The following SELENOS variants were observed in gnomAD, a reference collection of about 807,000 sequenced individuals.
SELENOS encodes the protein selenoprotein S.
Under a neutral mutation model 30.2 loss-of-function variants are expected in SELENOS, and 37 were observed. That is an observed-to-expected ratio of 1.23 (90% CI 0.94 to 1.61). The LOEUF (loss-of-function observed/expected upper bound fraction) is 1.61. Among genes scored for constraint, SELENOS ranks in the 40% most tolerant of loss-of-function variants. SELENOS has a pLI of 0.00. For missense variants in SELENOS, 289 were observed against 231.8 expected (o/e 1.25, Z -1.60); for synonymous variants, 119 against 91.6 (o/e 1.30, Z -1.71).
rs944782702 is a variant in SELENOS, at chr15:101,275,283, A to C, written c.290T>G (p.Val97Gly). The C allele has an allele frequency of 4.5e-6, 7 of 1,570,614 alleles. No homozygotes were observed. The highest frequency in any genetic ancestry group is 4.0e-5 in the African/African-American group (3 of 74,082). Residue 97 changes from valine (V) to glycine (G), a missense_variant, in exon 3 of 6, where the codon GTT becomes GGT. By Grantham distance (109) the Val-to-Gly change is moderately radical. Coordinates refer to ENST00000526049, the MANE Select transcript of SELENOS (RefSeq NM_018445.6). ...TTTCAGTTTTTCCTTATGCTTTTCA[A>C]CTTGCGCATTTAGTTCTTCTTGCAT... ...LKMQEELNAQ[V>G]EKHKEKLKQL...
Position 101,274,427 on chromosome 15 carries a change from C to A in SELENOS, c.477G>T (p.Arg159=). 6.2e-7 allele frequency: 1 copy of A among 1,607,422 alleles called. No individual in the cohort carries two copies. The highest frequency in any genetic ancestry group is 8.5e-7 in the Non-Finnish European group (1 of 1,176,650). ...GACATCAGTGGTGCTTACCTCCTCC[C>A]CGCAAAGGCTTTCTGTCCGATTTCC... ...LKRKSDRKPL[R]GGGYNPLSGE... Residue 159 remains arginine (R), a synonymous_variant, in exon 5 of 6, where the codon CGG becomes CGT. Coordinates refer to ENST00000526049, the MANE Select transcript of SELENOS (RefSeq NM_018445.6).
rs932089455 is a variant in SELENOS, at chr15:101,274,882, G to C, written c.319-201C>G. 6.5e-6 allele frequency: 4 copies of C among 619,618 alleles called. No individual in the cohort carries two copies. In the African/African-American group the frequency reaches 7.4e-5, roughly 11 times the overall value. 38.4% of individuals were successfully genotyped at this position (619,618 alleles called of 1,614,324 possible). A position where few individuals can be genotyped will look rare whatever the true frequency, so the allele number is the denominator to read the frequency against. ...GCTTTGGTTTTTGTACACTATTAAA[G>C]AAAGCAAAATGTTTCATGAAAAAGA... On this transcript the variant is annotated intron_variant, in intron 3 of 5. Coordinates refer to ENST00000526049, the MANE Select transcript of SELENOS (RefSeq NM_018445.6).
At chr15:101,275,426 G>A (rs2039315014) in intron 2 of SELENOS, 65 bp from the exon 3 acceptor site, 2 of 1,298,998 alleles carry the variant, frequency 1.5e-6, no homozygotes, top group Admixed American at 3.2e-5. Flanking sequence ...ACTTTTGAGT[G>A]TCCATATTAT....
At chr15:101,275,657 C>G (rs1303725768) in intron 2 of SELENOS, among the ~76,000 whole-genome samples, 2 of 152,092 alleles carry the variant, frequency 1.3e-5, no homozygotes, top group Non-Finnish European at 2.9e-5. Flanking sequence ...GGATAGTGGC[C>G]ACACAGAGCA....
rs997205748 is a variant in SELENOS at position 101,277,246 on chromosome 15, G to C, written c.76+96C>G. On this transcript the variant is annotated intron_variant, in intron 1 of 5. Coordinates refer to ENST00000526049, the MANE Select transcript of SELENOS (RefSeq NM_018445.6). ...CGCCCGACCGTTCCCAGGCCTCCCA[G>C]GCTCCGGCGCCCGGTGCAGCGGCGG... The C allele has an allele frequency of 6.6e-6, 10 of 1,516,886 alleles. No individual in the cohort carries two copies. The Admixed American group carries it at 1.8e-4, about 27-fold the overall frequency. The allele number at this position is 1,516,886 out of a possible 1,614,324, so 94.0% of individuals were successfully genotyped here.
intron 5 of SELENOS, 121 bp from the exon 6 acceptor site, chr15:101,272,977 AGGG>A: frequency 1.2e-6 from 1 of 823,994 alleles, no homozygotes; most frequent in Non-Finnish European, 1.9e-6. Flanking sequence ...ACAGATCCTA[AGGG>A]ACATTTAAAA....
intron 5 of SELENOS, among the ~76,000 whole-genome samples, chr15:101,273,477 C>T (rs1395550906): frequency 6.6e-6 from 1 of 152,174 alleles, no homozygotes; most frequent in Non-Finnish European, 1.5e-5. Context: ...TAAAGCCAGG[C>T]TAGTCAAAAG....
chr15:101,273,612 C>T (rs940193159), intron 5 of SELENOS, among the ~76,000 whole-genome samples: 1 of 152,150 alleles, frequency 6.6e-6, no homozygotes, highest in Non-Finnish European at 1.5e-5. Flanking sequence ...AATAAGCTTC[C>T]GGCAGGACCA....
At chr15:101,271,286 C>G (rs1047434756), downstream of SELENOS, 2 of 152,210 alleles carry the variant, frequency 1.3e-5, no homozygotes, top group African/African-American at 2.4e-5. Flanking sequence ...ATATTTTAAT[C>G]CAAGTATACC....
chr15:101,271,782 C>T (rs1205611687), downstream of SELENOS: 1 of 152,220 alleles, frequency 6.6e-6, no homozygotes, highest in African/African-American at 2.4e-5. Context: ...CTACAGCATT[C>T]AGCCCAAATC....
At chr15:101,274,241 C>T in intron 5 of SELENOS, 179 bp downstream of exon 5, 1 of 696,770 alleles carries the variant, frequency 1.4e-6, no homozygotes, top group Non-Finnish European at 2.4e-6. Flanking sequence ...TACAATCCTT[C>T]TAAGTACTTA....
chr15:101,277,077 C>T (rs924655533), intron 1 of SELENOS: 15 of 668,910 alleles, frequency 2.2e-5, no homozygotes, highest in Non-Finnish European at 3.7e-5. Flanking sequence ...GCCGAGTGAC[C>T]CCAGTAACTA....
downstream of SELENOS, chr15:101,271,201 T>C (rs1031927859): frequency 6.6e-6 from 1 of 152,230 alleles, no homozygotes; most frequent in African/African-American, 2.4e-5. Flanking sequence ...AGAAAATATA[T>C]TCAAGGAAGA....
At chr15:101,276,721 G>A (rs552650914) in intron 1 of SELENOS, 46 bp from the exon 2 acceptor site, 2 of 1,586,480 alleles carry the variant, frequency 1.3e-6, no homozygotes, top group East Asian at 2.2e-5. Context: ...GACACTACTA[G>A]TTGACCTTTC....
intron 1 of SELENOS, 27 bp downstream of exon 1, chr15:101,277,315 G>C (rs1253635821): frequency 1.3e-6 from 2 of 1,503,774 alleles, no homozygotes; most frequent in Admixed American, 4.3e-5. Flanking sequence ...GTGGCGGCGC[G>C]CGCCCGGCTG....
chr15:101,275,115 G>C, intron 3 of SELENOS, 140 bp downstream of exon 3: 1 of 667,628 alleles, frequency 1.5e-6, no homozygotes, highest in South Asian at 2.2e-5. Flanking sequence ...TACTTACATG[G>C]TAGGAACTGA....
rs1567119439 is a variant in SELENOS at position 101,275,274 on chromosome 15, T to G, written c.299A>C (p.His100Pro). ...QEELNAQVEK[H>P]KEKLKQLEEE... is the part of the protein sequence containing the mutation. ...TCATACTTGTTTCAGTTTTTCCTTA[T>G]GCTTTTCAACTTGCGCATTTAGTTC... Residue 100 changes from histidine to proline, a missense_variant, in exon 3 of 6, where the codon CAT (histidine) becomes CCT (proline). Coordinates refer to ENST00000526049, the MANE Select transcript of SELENOS (RefSeq NM_018445.6). The G allele has an allele frequency of 6.4e-7, 1 of 1,563,690 alleles. No homozygotes were observed. Among genetic ancestry groups the G allele is most frequent in the Middle Eastern group, 1.7e-4 (1 of 5,974 alleles).
In SELENOS at chr15:101,277,463, C is replaced by T. The variant is rs2039345697; in HGVS notation, c.-46G>A. On this transcript the variant is annotated 5_prime_UTR_variant, in exon 1 of 6. Transcript: ENST00000526049. ...CCCAGCCCTGCCGCCGCGCCTCCAGCCGGGCGCTTCCGGTGCGCTCCTACG... is the reference window on the plus strand; with the variant it reads ...CCCAGCCCTGCCGCCGCGCCTCCAGTCGGGCGCTTCCGGTGCGCTCCTACG... 1.4e-6 allele frequency: 2 copies of T among 1,400,624 alleles called. No homozygotes were observed. Among genetic ancestry groups the T allele is most frequent in the Non-Finnish European group, 1.8e-6 (2 of 1,087,796 alleles). The allele number at this position is 1,400,624 out of a possible 1,614,324, so 86.8% of individuals were successfully genotyped here. A position where few individuals can be genotyped will look rare whatever the true frequency, so the allele number is the denominator to read the frequency against.
At chr15:101,276,466 T>G in intron 2 of SELENOS, 75 bp downstream of exon 2, 2 of 1,445,266 alleles carry the variant, frequency 1.4e-6, no homozygotes, top group South Asian at 3.0e-5. Flanking sequence ...CCCCTCTTAC[T>G]TTTACTAAGA....
Sources: allele counts gnomAD v4.1 joint callset (sites outside exome capture counted in the v4.1 genomes callset), GRCh38; gene constraint gnomAD v4.1.1; transcripts MANE v1.5; gene names NCBI Gene and HGNC (gene_info 2026-07-23, HGNC 2026-07-21).